SCML2: variants seen among roughly 807,000 people sequenced by gnomAD.
SCML2 encodes the protein sex comb on midleg-like protein 2.
A neutral mutation model predicts 48.4 loss-of-function variants in SCML2; 6 were observed. The ratio of observed to expected loss-of-function variants is 0.12; its 90% CI spans 0.07 to 0.24. The LOEUF (loss-of-function observed/expected upper bound fraction) is 0.24, where lower values mean the gene tolerates loss of function less well. Ranked by LOEUF, SCML2 falls within the 10% of genes least tolerant of loss-of-function variation. The probability of loss-of-function intolerance (pLI) is 1.00; values close to 1 mark genes in which losing one functional copy is unlikely to be tolerated. For missense variants in SCML2, 377 were observed against 528.2 expected (o/e 0.71, Z 2.81); for synonymous variants, 181 against 189.5 (o/e 0.95, Z 0.37).
intron 7 of SCML2, among the ~76,000 whole-genome samples, chrX:18,279,189 G>C (rs1188543065): frequency 8.9e-6 from 1 of 112,581 alleles, no homozygotes; most frequent in Non-Finnish European, 1.9e-5. Context: ...AGCGTGGATG[G>C]GTACTAACCT....
At chrX:18,266,364 T>C (rs959684369) in intron 7 of SCML2, among the ~76,000 whole-genome samples, 3 of 111,647 alleles carry the variant, frequency 2.7e-5, no homozygotes, top group African/African-American at 9.7e-5. Context: ...TAAAGTTTCA[T>C]ATACTAAAAT....
intron 1 of SCML2, among the ~76,000 whole-genome samples, chrX:18,350,577 G>GAA (rs201932466): frequency 2.5e-5 from 2 of 81,351 alleles, no homozygotes; most frequent in Non-Finnish European, 2.4e-5. Flanking sequence ...CTCCATCTCG[G>GAA]AAAAAAAAAA....
At chrX:18,252,999 A>G (rs1275310858) in intron 11 of SCML2, among the ~76,000 whole-genome samples, 1 of 111,793 alleles carries the variant, frequency 8.9e-6, no homozygotes, top group African/African-American at 3.3e-5. Context: ...TCTTTATTTT[A>G]TTGTGTGTTT....
chrX:18,242,152 G>T (rs1248918877), intron 14 of SCML2, among the ~76,000 whole-genome samples: 1 of 111,599 alleles, frequency 9.0e-6, no homozygotes, highest in Non-Finnish European at 1.9e-5. Context: ...GAGGATCCTT[G>T]TATCTGTCAT....
chrX:18,352,003 G>A (rs990857531), intron 1 of SCML2, among the ~76,000 whole-genome samples: 1 of 111,461 alleles, frequency 9.0e-6, no homozygotes, highest in African/African-American at 3.3e-5. Context: ...TCACTGATGC[G>A]GAAACAGACA....
chrX:18,320,868 G>C lies in SCML2; in HGVS notation c.398-448C>G, dbSNP rs182959269. On this transcript the variant is annotated intron_variant, in intron 5 of 14. Coordinates refer to ENST00000251900, the MANE Select transcript of SCML2 (RefSeq NM_006089.3). ...ACTCAGCACATATACACACACAACA[G>C]TACATTTCATTGCATGCAATTTTAC... 4.6e-3 allele frequency among the ~76,000 whole-genome samples: 510 copies of C among 110,797 alleles called. 5 individuals are homozygous for C. Among genetic ancestry groups the C allele is most frequent in the African/African-American group, 0.016 (480 of 30,433 alleles).
chrX:18,327,088 G>A (rs1001145418), intron 3 of SCML2, among the ~76,000 whole-genome samples: 1 of 110,591 alleles, frequency 9.0e-6, no homozygotes, highest in East Asian at 2.9e-4. Context: ...AGAACAAAAC[G>A]GGCGAGGCGC....
intron 1 of SCML2, among the ~76,000 whole-genome samples, chrX:18,342,449 C>T (rs1284771868): frequency 4.5e-5 from 5 of 111,848 alleles, no homozygotes; most frequent in African/African-American, 1.3e-4. Context: ...CAGTGGCTCA[C>T]GCCTGTAATC....
intron 3 of SCML2, among the ~76,000 whole-genome samples, chrX:18,329,625 C>G (rs188506341): frequency 5.3e-5 from 6 of 112,722 alleles, no homozygotes; most frequent in African/African-American, 1.3e-4. Context: ...CAATATTATA[C>G]ATGTACTGTT....
chrX:18,333,930 C>T lies in SCML2; in HGVS notation c.22+120G>A. On this transcript the variant is annotated intron_variant, in intron 2 of 14. Transcript: ENST00000251900. ...AGTTCTAAAATTCAAATTCTAAGCA[C>T]CTAGCATCTCCTATAAATTTATTTT... 5 of 550,489 alleles carry T rather than the reference C, an allele frequency of 9.1e-6. No homozygotes were observed. In the South Asian group the frequency reaches 1.3e-4, roughly 15 times the overall value. 45.4% of individuals were successfully genotyped at this position (550,489 alleles called of 1,213,427 possible).
intron 7 of SCML2, among the ~76,000 whole-genome samples, chrX:18,266,457 T>C (rs983152311): frequency 2.7e-5 from 3 of 111,646 alleles, no homozygotes; most frequent in African/African-American, 6.5e-5. Flanking sequence ...TGTAGCCCAA[T>C]ACAGTTTCAA....
chrX:18,322,196 A>C (rs1929344339), intron 5 of SCML2, among the ~76,000 whole-genome samples: 1 of 112,612 alleles, frequency 8.9e-6, no homozygotes. Context: ...CTAAAAAGCA[A>C]ACTGGCACCA....
intron 11 of SCML2, among the ~76,000 whole-genome samples, chrX:18,248,412 T>C (rs1244681394): frequency 8.9e-6 from 1 of 112,503 alleles, no homozygotes; most frequent in Non-Finnish European, 1.9e-5. Context: ...GCTTTAATTA[T>C]CAGTTATACC....
intron 6 of SCML2, among the ~76,000 whole-genome samples, chrX:18,309,738 G>A (rs531400840): frequency 1.8e-5 from 2 of 111,449 alleles, no homozygotes; most frequent in Admixed American, 9.6e-5. Flanking sequence ...GACACAAAGA[G>A]GTGAACAACA....
intron 8 of SCML2, among the ~76,000 whole-genome samples, chrX:18,261,767 T>C (rs1323856433): frequency 3.7e-5 from 4 of 109,442 alleles, no homozygotes; most frequent in African/African-American, 7.0e-5. Context: ...CACAAAGACA[T>C]TTCAGAAGCT....
At chrX:18,253,543 C>A (rs1602078112) in intron 11 of SCML2, among the ~76,000 whole-genome samples, 1 of 111,569 alleles carries the variant, frequency 9.0e-6, no homozygotes, top group African/African-American at 3.2e-5. Context: ...GAATTATAAT[C>A]TATTTAAAAA....
intron 1 of SCML2, among the ~76,000 whole-genome samples, chrX:18,346,615 G>A (rs1290491030): frequency 8.9e-6 from 1 of 111,889 alleles, no homozygotes; most frequent in African/African-American, 3.2e-5. Context: ...AGGTAGAAAG[G>A]GTTCTTTTCC....
At chrX:18,298,199 C>T (rs1028829416) in intron 7 of SCML2, among the ~76,000 whole-genome samples, 1 of 111,708 alleles carries the variant, frequency 9.0e-6, no homozygotes, top group Non-Finnish European at 1.9e-5. Flanking sequence ...CTACCCAAAA[C>T]AAGCTACAGA....
At chrX:18,290,584 A>T (rs992093610) in intron 7 of SCML2, among the ~76,000 whole-genome samples, 3 of 111,665 alleles carry the variant, frequency 2.7e-5, no homozygotes, top group African/African-American at 9.7e-5. Flanking sequence ...AAAGTTAAAA[A>T]CTTTGAACAT....
Sources: gnomAD v4.1 joint callset for allele counts (sites outside exome capture counted in the v4.1 genomes callset) on GRCh38, gnomAD v4.1.1 for gene constraint, MANE v1.5 for transcripts, NCBI Gene and HGNC (gene_info 2026-07-23, HGNC 2026-07-21) for gene names.